PCDHGB3: variants seen among roughly 807,000 people sequenced by gnomAD.
PCDHGB3 encodes protocadherin gamma subfamily B, 3.
PCDHGB3 carries 40 observed loss-of-function variants against 59.2 expected under a neutral mutation model. That is an observed-to-expected ratio of 0.68 (90% CI 0.52 to 0.88). The LOEUF is 0.88. Ranked by LOEUF, PCDHGB3 falls within the 40% of genes least tolerant of loss-of-function variation. PCDHGB3 has a pLI of 0.00. For missense variants in PCDHGB3, 1,309 were observed against 1,187.9 expected, an observed-to-expected ratio of 1.10 and a Z score of -1.50; for synonymous variants, 581 against 503.6, an observed-to-expected ratio of 1.15 and a Z score of -2.06.
At chr5:141,410,235 G>A (rs753193390) in intron 1 of PCDHGB3, 2 of 1,613,970 alleles carry the variant, frequency 1.2e-6, no homozygotes, top group South Asian at 1.1e-5. Context: ...CTCAGCGACC[G>A]CCCTGTACTC....
At chr5:141,460,435 A>G (rs1002182353) in intron 1 of PCDHGB3, among the ~76,000 whole-genome samples, 1 of 152,144 alleles carries the variant, frequency 6.6e-6, no homozygotes, top group Admixed American at 6.6e-5. Context: ...GTATGGTGTG[A>G]GGTAACAATG....
At chr5:141,447,182 C>G (rs1205769161) in intron 1 of PCDHGB3, among the ~76,000 whole-genome samples, 1 of 152,126 alleles carries the variant, frequency 6.6e-6, no homozygotes, top group Non-Finnish European at 1.5e-5. Flanking sequence ...TCTTGTCGCG[C>G]AGGCTGGAGT....
Position 141,371,954 on chromosome 5 carries a change from C to A in PCDHGB3, c.1560C>A (p.Phe520Leu). The change falls in exon 1 of 4, where the codon TTC becomes TTA. Residue 520 changes from phenylalanine (F) to leucine (L), a missense_variant. Phe to Leu is a conservative substitution (Grantham distance 22). Coordinates refer to ENST00000576222, the MANE Select transcript of PCDHGB3 (RefSeq NM_018924.5). ...GGGTGGTGTTCGCGCAGCGAGCCTTCGACCACGAGCAGCTGCGTGCCTTCG... is the reference window on the plus strand; with the variant it reads ...GGGTGGTGTTCGCGCAGCGAGCCTTAGACCACGAGCAGCTGCGTGCCTTCG... ...RSGVVFAQRA[F>L]DHEQLRAFEL... is the part of the protein sequence containing the mutation. The A allele has an allele frequency of 6.2e-7, 1 of 1,613,274 alleles. No homozygotes were observed. The highest frequency in any genetic ancestry group is 8.5e-7 in the Non-Finnish European group (1 of 1,179,854).
rs371079504 is a variant in PCDHGB3, at chr5:141,422,041, G to C, written c.2415+49232G>C. 9 of 1,611,514 alleles carry C rather than the reference G, an allele frequency of 5.6e-6. No homozygotes were observed. The highest frequency in any genetic ancestry group is 5.9e-6 in the Non-Finnish European group (7 of 1,179,230). On this transcript the variant is annotated intron_variant, in intron 1 of 3. Transcript: ENST00000576222. ...GATGGTTAATGCAACGGATCCAGAC[G>C]AGGGAATCAACGGGGAAGTAATGTA...
chr5:141,477,737 G>T lies in PCDHGB3; in HGVS notation c.2416-17070G>T, dbSNP rs1178108717. 1.2e-6 allele frequency: 2 copies of T among 1,613,846 alleles called. No homozygotes were observed. Among genetic ancestry groups the T allele is most frequent in the South Asian group, 1.1e-5 (1 of 91,088 alleles). ...ATTTGAATTAACAGCTCATATCAGC[G>T]ATGGGGGCACCCCGGTCCTAGCCAC... On this transcript the variant is annotated intron_variant, in intron 1 of 3. Coordinates refer to ENST00000576222, the MANE Select transcript of PCDHGB3 (RefSeq NM_018924.5). This position sits in a 1 kb window ranked among gnomAD's most constrained non-coding sequence, Gnocchi z 4.9.
At chr5:141,482,345 T>G (rs192115752) in intron 1 of PCDHGB3, among the ~76,000 whole-genome samples, 8 of 152,122 alleles carry the variant, frequency 5.3e-5, no homozygotes, top group Admixed American at 5.2e-4. Context: ...CTTTGCAAAC[T>G]TGTTGTGAGA....
In PCDHGB3 at chr5:141,511,032, G is replaced by C. The variant is rs779589499; in HGVS notation, c.2649G>C (p.Gln883His). Residue 883 changes from glutamine to histidine, a missense_variant, in exon 4 of 4, where the codon CAG (glutamine) becomes CAC (histidine). Gln to His is a conservative substitution (Grantham distance 24). Coordinates refer to ENST00000576222, the MANE Select transcript of PCDHGB3 (RefSeq NM_018924.5). ...SARYGPQFTL[Q>H]HVPDYRQNVY... ...GCTACGGACCCCAGTTCACCCTGCA[G>C]CACGTGCCCGACTACCGCCAGAATG... 6.2e-7 allele frequency: 1 copy of C among 1,614,228 alleles called. No individual in the cohort carries two copies. The highest frequency in any genetic ancestry group is 8.5e-7 in the Non-Finnish European group (1 of 1,180,036).
intron 1 of PCDHGB3, chr5:141,377,572 G>A (rs1046181930): frequency 4.6e-5 from 7 of 151,346 alleles, no homozygotes; most frequent in Admixed American, 1.3e-4. Context: ...CCCTAGCCTG[G>A]GAGACAGAAT....
At chr5:141,383,558 C>A (rs374657057) in intron 1 of PCDHGB3, 1 of 1,612,822 alleles carries the variant, frequency 6.2e-7, no homozygotes, top group Admixed American at 1.7e-5. Flanking sequence ...GGCGGCGACC[C>A]GCCCCGATCC....
Position 141,370,539 on chromosome 5 carries a change from A to G in PCDHGB3, c.145A>G (p.Asn49Asp). 1 of 1,613,826 alleles carries G rather than the reference A, an allele frequency of 6.2e-7. No homozygotes were observed. The highest frequency in any genetic ancestry group is 1.7e-5 in the Admixed American group (1 of 60,008). The part of the protein sequence containing the change: ...EELDRGSLVG[N>D]LAKDLGFGVG... Reference sequence around the variant, plus strand: ...GCTGGACAGGGGCTCGCTGGTAGGGAACCTCGCCAAGGACCTGGGGTTTGG... The same window carrying G: ...GCTGGACAGGGGCTCGCTGGTAGGGGACCTCGCCAAGGACCTGGGGTTTGG... The change falls in exon 1 of 4, where the codon AAC becomes GAC. Residue 49 changes from asparagine (N) to aspartate (D), a missense_variant. Transcript: ENST00000576222.
intron 1 of PCDHGB3, chr5:141,416,827 T>A (rs981344540): frequency 1.2e-4 from 18 of 152,268 alleles, no homozygotes; most frequent in African/African-American, 3.9e-4. Context: ...CCGAAGTTTC[T>A]CAAGACCCTT....
At position 141,486,927 on chromosome 5, in the gene PCDHGB3, G is replaced by T. The variant is rs2099637231; in HGVS notation, c.2416-7880G>T. On this transcript the variant is annotated intron_variant, in intron 1 of 3. Transcript: ENST00000576222. The surrounding 1 kb of genome is among the most constrained non-coding windows in gnomAD (Gnocchi z 5.0). ...CCCCAAGCACTGCCTCCATCAGTTG[G>T]TGCTGGCCACCTAATCACAAAGGTG... 1 of 1,614,108 alleles carries T rather than the reference G, an allele frequency of 6.2e-7. No homozygotes were observed. Among genetic ancestry groups the T allele is most frequent in the Non-Finnish European group, 8.5e-7 (1 of 1,180,054 alleles).
At chr5:141,404,384 G>C in intron 1 of PCDHGB3, 9 of 1,613,904 alleles carry the variant, frequency 5.6e-6, no homozygotes, top group African/African-American at 1.3e-5. Context: ...GATTGCCTAT[G>C]ACCCTGATAG....
At chr5:141,385,098 G>A (rs1175088584) in intron 1 of PCDHGB3, 2 of 1,614,080 alleles carry the variant, frequency 1.2e-6, no homozygotes, top group Non-Finnish European at 1.7e-6. Flanking sequence ...GTGGCTTGGC[G>A]AACGTGCCCA....
chr5:141,433,408 A>T lies in PCDHGB3; in HGVS notation c.2415+60599A>T, dbSNP rs1052180455. On this transcript the variant is annotated intron_variant, in intron 1 of 3. Coordinates refer to ENST00000576222, the MANE Select transcript of PCDHGB3 (RefSeq NM_018924.5). Reference sequence around the variant, plus strand: ...CTATCTATCTATCTATCTATCTATTACTTTCTTGTACAGACAGGAGTCTCA... The same window carrying T: ...CTATCTATCTATCTATCTATCTATTTCTTTCTTGTACAGACAGGAGTCTCA... 4.2e-3 allele frequency among the ~76,000 whole-genome samples: 537 copies of T among 127,344 alleles called. 4 individuals carry two copies. The highest frequency in any genetic ancestry group is 0.015 in the African/African-American group (523 of 34,010). 83.5% of individuals were successfully genotyped at this position (127,344 alleles called of 152,430 possible). A position where few individuals can be genotyped will look rare whatever the true frequency, so the allele number is the denominator to read the frequency against.
At chr5:141,412,932 T>C (rs2095590399) in intron 1 of PCDHGB3, 3 of 453,328 alleles carry the variant, frequency 6.6e-6, no homozygotes, top group South Asian at 1.0e-4. Flanking sequence ...AGTAACTTCT[T>C]AGGACTCTGA....
chr5:141,399,608 C>T (rs767025311), intron 1 of PCDHGB3: 3 of 1,613,962 alleles, frequency 1.9e-6, no homozygotes, highest in Non-Finnish European at 2.5e-6. Flanking sequence ...GACCTAGAGC[C>T]TCTGGCACTG....
At chr5:141,430,786 C>G (rs992448490) in intron 1 of PCDHGB3, 1 of 1,513,352 alleles carries the variant, frequency 6.6e-7, no homozygotes, top group Non-Finnish European at 8.8e-7. Context: ...TGCACCGGGA[C>G]TACAAAGGGC....
At chr5:141,423,313 G>A (rs1407028245) in intron 1 of PCDHGB3, 3 of 1,614,184 alleles carry the variant, frequency 1.9e-6, no homozygotes, top group Non-Finnish European at 1.7e-6. Context: ...GTACTTGGTG[G>A]TGGCGGTGGC....
Sources: gnomAD v4.1 joint callset for allele counts (sites outside exome capture counted in the v4.1 genomes callset) on GRCh38, gnomAD v4.1.1 for gene constraint, Gnocchi (gnomAD v3.1) non-coding constraint, MANE v1.5 for transcripts, NCBI Gene and HGNC (gene_info 2026-07-23, HGNC 2026-07-21) for gene names.